Variants in TBXAS1 observed in about 807,000 individuals in gnomAD.
The protein encoded by TBXAS1 is thromboxane-A synthase.
TBXAS1 carries 48 observed loss-of-function variants against 60.7 expected under a neutral mutation model. That is an observed-to-expected ratio of 0.79 (90% CI 0.63 to 1.01). TBXAS1 has a LOEUF of 1.01. TBXAS1 is among the 50% of genes least tolerant of loss of function. TBXAS1 has a pLI of 0.00. For synonymous variants in TBXAS1, 287 were observed against 269.7 expected, an observed-to-expected ratio of 1.06 and a Z score of -0.63; for missense variants, 685 against 686.3, an observed-to-expected ratio of 1.00 and a Z score of 0.02.
intron 4 of TBXAS1, among the ~76,000 whole-genome samples, chr7:139,815,142 T>C (rs1459060660): frequency 6.6e-6 from 1 of 152,232 alleles, no homozygotes; most frequent in Admixed American, 6.5e-5. Flanking sequence ...AATGTAAATT[T>C]AAAACCAACA....
chr7:139,800,535 T>G (rs1230404123), intron 4 of TBXAS1, among the ~76,000 whole-genome samples: 1 of 152,296 alleles, frequency 6.6e-6, no homozygotes. Flanking sequence ...CCTGTTTATT[T>G]CCTTCATACC....
At chr7:139,807,386 T>C (rs1403692457) in intron 4 of TBXAS1, among the ~76,000 whole-genome samples, 2 of 149,460 alleles carry the variant, frequency 1.3e-5, no homozygotes, top group African/African-American at 4.9e-5. Flanking sequence ...CCACACCTAG[T>C]TAATTTTTTT....
chr7:139,805,933 C>CT (rs35769530), intron 4 of TBXAS1, among the ~76,000 whole-genome samples: 10,147 of 104,762 alleles, frequency 0.097, 1,308 homozygotes, highest in East Asian at 0.25. Context: ...CAAATTTTTG[C>CT]TTTTTTTTTT....
chr7:139,942,526 T>C (rs886632335), intron 5 of TBXAS1, among the ~76,000 whole-genome samples: 4 of 152,332 alleles, frequency 2.6e-5, no homozygotes, highest in East Asian at 1.9e-4. Flanking sequence ...CAATCCAATA[T>C]GGCAGCTTGT....
chr7:139,886,386 ATTTTTT>A (rs8192818), intron 3 of TBXAS1, among the ~76,000 whole-genome samples: 51 of 99,640 alleles, frequency 5.1e-4, no homozygotes, highest in South Asian at 9.8e-4. Context: ...TTGCAGATGA[ATTTTTT>A]TTTTTTTTTT....
Position 139,942,571 on chromosome 7 carries a change from G to A in TBXAS1, c.450+6264G>A, listed in dbSNP as rs114715711. On this transcript the variant is annotated intron_variant, in intron 5 of 12. Transcript: ENST00000448866. The stretch of plus-strand genomic sequence containing the variant: ...ATTCTCAAAGCCCAATATAAATGAT[G>A]GGCTTTCTTCATTCACCCAGATAAC... Among the ~76,000 whole-genome samples the A allele has an allele frequency of 2.6e-3, 392 of 152,254 alleles. 1 individual carries two copies. The highest frequency in any genetic ancestry group is 9.1e-3 in the African/African-American group (379 of 41,538).
intron 4 of TBXAS1, among the ~76,000 whole-genome samples, chr7:139,931,035 T>A (rs569805085): frequency 3.9e-4 from 60 of 151,962 alleles, no homozygotes; most frequent in African/African-American, 1.4e-3. Flanking sequence ...CACATTTTGA[T>A]ACAGAATACA....
intron 4 of TBXAS1, among the ~76,000 whole-genome samples, chr7:139,810,599 T>C (rs1430381434): frequency 2.6e-5 from 4 of 152,230 alleles, no homozygotes; most frequent in African/African-American, 9.6e-5. Flanking sequence ...GGATGCATAT[T>C]TTTGTATACT....
In TBXAS1 at chr7:139,908,145, T is replaced by G. The variant is rs137860009; in HGVS notation, c.237-3080T>G. ...TTTTTCTGTGGTTTTTGTTTTCAGG[T>G]TCATAGAGTTCTGCACTTTTTTTTT... On this transcript the variant is annotated intron_variant, in intron 3 of 12. Coordinates refer to ENST00000448866, the MANE Select transcript of TBXAS1 (RefSeq NM_001061.7). Among the ~76,000 whole-genome samples the G allele has an allele frequency of 2.6e-3, 393 of 152,156 alleles. 1 individual carries two copies. The highest frequency in any genetic ancestry group is 9.0e-3 in the African/African-American group (375 of 41,576).
rs1452147218 is a variant in TBXAS1, at chr7:140,013,733, G to A, written c.1227-1990G>A. 6.6e-6 allele frequency among the ~76,000 whole-genome samples: 1 copy of A among 152,210 alleles called. No individual in the cohort carries two copies. The highest frequency in any genetic ancestry group is 2.4e-5 in the African/African-American group (1 of 41,448). On this transcript the variant is annotated intron_variant, in intron 10 of 12. Transcript: ENST00000448866. The surrounding 1 kb of genome is among the most constrained non-coding windows in gnomAD (Gnocchi z 4.2). ...ACAGCACCAGGAGCCCTGAACACCA[G>A]CCTGAGGCTCAGCCCTGAAGGCAGC...
chr7:139,952,677 C>T (rs1293665123), intron 5 of TBXAS1: 6 of 1,529,048 alleles, frequency 3.9e-6, no homozygotes, highest in Non-Finnish European at 4.4e-6. Context: ...TTATGCCACT[C>T]TACCTTTCTG....
At chr7:139,980,712 C>T (rs1811900470) in intron 9 of TBXAS1, among the ~76,000 whole-genome samples, 1 of 151,692 alleles carries the variant, frequency 6.6e-6, no homozygotes, top group African/African-American at 2.4e-5. Context: ...TCCCTCTTAC[C>T]TGCACAGGCC....
chr7:139,818,416 G>T (rs1389979935), intron 4 of TBXAS1, among the ~76,000 whole-genome samples: 1 of 152,158 alleles, frequency 6.6e-6, no homozygotes, highest in Non-Finnish European at 1.5e-5. Flanking sequence ...CGAAGGTGTT[G>T]GCCAGGCTGT....
chr7:139,955,486 G>C lies in TBXAS1; in HGVS notation c.567G>C (p.Val189=). 6.2e-7 allele frequency: 1 copy of C among 1,614,206 alleles called. No individual in the cohort carries two copies. The highest frequency in any genetic ancestry group is 8.5e-7 in the Non-Finnish European group (1 of 1,180,028). Residue 189 remains valine, a synonymous_variant, in exon 7 of 13, where the codon GTG becomes GTC. Coordinates refer to ENST00000448866, the MANE Select transcript of TBXAS1 (RefSeq NM_001061.7). ...QRCYCNYTTD[V]VASVAFGTPV... is the part of the protein sequence containing the mutation. The stretch of plus-strand genomic sequence containing the variant: ...GCTACTGCAATTACACCACAGATGT[G>C]GTTGCCAGCGTCGCCTTTGGCACCC...
chr7:139,941,855 T>G lies in TBXAS1; in HGVS notation c.450+5548T>G, dbSNP rs183968169. 5.1e-4 allele frequency among the ~76,000 whole-genome samples: 77 copies of G among 152,328 alleles called. No individual in the cohort carries two copies. The Middle Eastern group carries it at 0.024, about 47-fold the overall frequency. On this transcript the variant is annotated intron_variant, in intron 5 of 12. Coordinates refer to ENST00000448866, the MANE Select transcript of TBXAS1 (RefSeq NM_001061.7). ...TTCAGGAAATAAAACTGGGGCTAAA[T>G]TAGTACTTCTCTGACGGAAAATGTA...
intron 3 of TBXAS1, among the ~76,000 whole-genome samples, chr7:139,888,423 G>C (rs753738004): frequency 5.9e-5 from 9 of 152,082 alleles, no homozygotes; most frequent in Non-Finnish European, 1.0e-4. Context: ...CTGACCCTTC[G>C]ATCTCTGGGC....
At chr7:140,014,295 A>G (rs942280806) in intron 10 of TBXAS1, among the ~76,000 whole-genome samples, 13 of 152,214 alleles carry the variant, frequency 8.5e-5, no homozygotes, top group Non-Finnish European at 2.9e-5. Context: ...TGTGGGAAAC[A>G]GAAGGAGGAG....
intron 1 of TBXAS1, among the ~76,000 whole-genome samples, chr7:139,831,821 A>G (rs753285166): frequency 7.9e-5 from 12 of 152,212 alleles, no homozygotes; most frequent in Non-Finnish European, 7.3e-5. Context: ...AATCCCAGCT[A>G]CTTGGGAGGC....
chr7:139,957,565 A>G (rs1569519338), intron 7 of TBXAS1, 69 bp from the exon 8 acceptor site: 8 of 1,608,552 alleles, frequency 5.0e-6, no homozygotes, highest in Non-Finnish European at 4.2e-6. Context: ...CTTCCCGGGA[A>G]CAGGCGTCTA....
Sources: gnomAD v4.1 joint callset for allele counts (sites outside exome capture counted in the v4.1 genomes callset) on GRCh38, gnomAD v4.1.1 for gene constraint, Gnocchi (gnomAD v3.1) non-coding constraint, MANE v1.5 for transcripts, NCBI Gene and HGNC (gene_info 2026-07-23, HGNC 2026-07-21) for gene names.